ATG5: variants seen among roughly 807,000 people sequenced by gnomAD.
ATG5 encodes the protein autophagy protein 5.
A neutral mutation model predicts 36.5 loss-of-function variants in ATG5; 14 were observed. The ratio of observed to expected loss-of-function variants is 0.38; its 90% CI spans 0.25 to 0.60. The LOEUF (loss-of-function observed/expected upper bound fraction) is 0.60, where lower values mean the gene tolerates loss of function less well. Among genes scored for constraint, ATG5 ranks in the 20% least tolerant of loss-of-function variants. The pLI is 0.60. For missense variants in ATG5, 195 were observed against 326.7 expected (o/e 0.60, Z 3.11); for synonymous variants, 95 against 101.5 (o/e 0.94, Z 0.38).
At chr6:106,308,270 C>T in intron 3 of ATG5, 94 bp downstream of exon 3, 1 of 1,108,530 alleles carries the variant, frequency 9.0e-7, no homozygotes, top group Non-Finnish European at 1.2e-6. Flanking sequence ...GACTTCTATC[C>T]TCGCAGGACT....
At chr6:106,233,487 T>C (rs979374514) in intron 6 of ATG5, among the ~76,000 whole-genome samples, 13 of 152,126 alleles carry the variant, frequency 8.5e-5, no homozygotes, top group Non-Finnish European at 1.8e-4. Flanking sequence ...TCTTTACATG[T>C]CACAGAAAAA....
intron 5 of ATG5, among the ~76,000 whole-genome samples, chr6:106,264,141 G>A (rs2114560044): frequency 6.6e-6 from 1 of 152,188 alleles, no homozygotes; most frequent in African/African-American, 2.4e-5. Flanking sequence ...CGTTTTGAGA[G>A]GAACACAAAT....
intron 2 of ATG5, among the ~76,000 whole-genome samples, chr6:106,314,925 C>T (rs1032864136): frequency 1.3e-5 from 2 of 152,060 alleles, no homozygotes; most frequent in Non-Finnish European, 2.9e-5. Flanking sequence ...AACAAGATTG[C>T]CGAACTTCTC....
intron 6 of ATG5, among the ~76,000 whole-genome samples, chr6:106,212,259 C>T (rs1204345760): frequency 6.6e-6 from 1 of 152,180 alleles, no homozygotes; most frequent in African/African-American, 2.4e-5. Flanking sequence ...TTTAGAAAAA[C>T]TAGATTTTAC....
chr6:106,266,218 C>T (rs1779224120), intron 5 of ATG5, among the ~76,000 whole-genome samples: 1 of 152,142 alleles, frequency 6.6e-6, no homozygotes, highest in Non-Finnish European at 1.5e-5. Flanking sequence ...ATTATAAACA[C>T]CTCTATGTAA....
At chr6:106,216,290 T>C (rs1319092912) in intron 6 of ATG5, among the ~76,000 whole-genome samples, 5 of 152,182 alleles carry the variant, frequency 3.3e-5, no homozygotes, top group African/African-American at 9.7e-5. Context: ...ACCAAAACAT[T>C]TGTACATAAA....
intron 2 of ATG5, among the ~76,000 whole-genome samples, chr6:106,309,270 C>A (rs770316811): frequency 6.6e-6 from 1 of 152,072 alleles, no homozygotes; most frequent in Non-Finnish European, 1.5e-5. Context: ...AAGGTGATAT[C>A]TTTTGACTAA....
intron 5 of ATG5, among the ~76,000 whole-genome samples, chr6:106,269,537 C>G (rs1779363727): frequency 6.6e-6 from 1 of 152,224 alleles, no homozygotes; most frequent in African/African-American, 2.4e-5. Context: ...CTGCAGGTCC[C>G]GAGCCCTGCC....
intron 1 of ATG5, among the ~76,000 whole-genome samples, chr6:106,320,953 A>C (rs971645401): frequency 3.9e-5 from 6 of 152,244 alleles, no homozygotes; most frequent in Admixed American, 3.9e-4. Flanking sequence ...CTAGAGAGGT[A>C]GTCATGGACT....
At chr6:106,265,168 C>CAAAAAAA (rs748718301) in intron 5 of ATG5, among the ~76,000 whole-genome samples, 1 of 56,732 alleles carries the variant, frequency 1.8e-5, no homozygotes. Flanking sequence ...AAATGGAAAG[C>CAAAAAAA]AAAAAAAAAA....
chr6:106,257,926 G>A (rs1490464034), intron 5 of ATG5, among the ~76,000 whole-genome samples: 1 of 152,030 alleles, frequency 6.6e-6, no homozygotes, highest in Non-Finnish European at 1.5e-5. Flanking sequence ...CAAACCCCTT[G>A]CTCCCATTAT....
intron 1 of ATG5, among the ~76,000 whole-genome samples, chr6:106,317,577 TAAA>T (rs1409205743): frequency 6.7e-6 from 1 of 149,528 alleles, no homozygotes; most frequent in Non-Finnish European, 1.5e-5. Context: ...TTCTGGTTAT[TAAA>T]CTGAGTCCAG....
At chr6:106,298,877 G>T (rs1031300837) in intron 3 of ATG5, among the ~76,000 whole-genome samples, 28 of 152,076 alleles carry the variant, frequency 1.8e-4, no homozygotes, top group Non-Finnish European at 4.1e-4. Flanking sequence ...AAAATTAAAG[G>T]TACTGAGTTT....
At chr6:106,272,634 T>G (rs2114583857) in intron 5 of ATG5, among the ~76,000 whole-genome samples, 1 of 152,304 alleles carries the variant, frequency 6.6e-6, no homozygotes, top group East Asian at 1.9e-4. Context: ...GCCTGGCTCC[T>G]CTGCTACCCT....
At chr6:106,268,023 C>T (rs1779292997) in intron 5 of ATG5, among the ~76,000 whole-genome samples, 1 of 151,838 alleles carries the variant, frequency 6.6e-6, no homozygotes, top group African/African-American at 2.4e-5. Context: ...TTCTGCACAG[C>T]AAAAGAAACT....
chr6:106,245,989 T>C (rs1032746669), intron 6 of ATG5, among the ~76,000 whole-genome samples: 2 of 152,136 alleles, frequency 1.3e-5, no homozygotes, highest in African/African-American at 2.4e-5. Flanking sequence ...GGTTGAAGAC[T>C]GAATACCAAA....
At chr6:106,302,747 A>G (rs1269576298) in intron 3 of ATG5, among the ~76,000 whole-genome samples, 1 of 152,090 alleles carries the variant, frequency 6.6e-6, no homozygotes, top group African/African-American at 2.4e-5. Context: ...AGATAACAGA[A>G]AAACCACTAA....
At chr6:106,315,986 A>T in intron 2 of ATG5, 115 bp downstream of exon 2, 1 of 761,434 alleles carries the variant, frequency 1.3e-6, no homozygotes, top group South Asian at 1.9e-5. Context: ...TTTCCAAAAT[A>T]AGCATGAATT....
At chr6:106,254,306 AT>A (rs1778714942) in intron 5 of ATG5, among the ~76,000 whole-genome samples, 2 of 152,282 alleles carry the variant, frequency 1.3e-5, no homozygotes, top group Non-Finnish European at 2.9e-5. Flanking sequence ...GTTACTTCAA[AT>A]TATGCAATTT....
Sources: gnomAD v4.1 joint callset for allele counts (sites outside exome capture counted in the v4.1 genomes callset) on GRCh38, gnomAD v4.1.1 for gene constraint, MANE v1.5 for transcripts, NCBI Gene and HGNC (gene_info 2026-07-23, HGNC 2026-07-21) for gene names.